The following GRIK2 variants were observed in gnomAD, a reference collection of about 807,000 sequenced individuals.
The protein encoded by GRIK2 is glutamate receptor ionotropic, kainate 2.
A neutral mutation model predicts 100.3 loss-of-function variants in GRIK2; 32 were observed. The observed-to-expected ratio is 0.32, with a 90% CI of 0.24 to 0.43. GRIK2 has a LOEUF of 0.43. Among genes scored for constraint, GRIK2 ranks in the 20% least tolerant of loss-of-function variants. The pLI, the probability that GRIK2 is intolerant of heterozygous loss-of-function variation, is 1.00. For missense variants in GRIK2, 843 were observed against 1,114.9 expected (o/e 0.76, Z 3.47); for synonymous variants, 417 against 389.4 (o/e 1.07, Z -0.83).
chr6:101,614,104 G>GAAGATTTACAGATTGT (rs1779796745), intron 2 of GRIK2, among the ~76,000 whole-genome samples: 1 of 151,612 alleles, frequency 6.6e-6, no homozygotes, highest in South Asian at 2.1e-4. Context: ...GAGTAGACCA[G>GAAGATTTACAGATTGT]ATGATTTACA....
At chr6:101,780,277 C>T (rs938322062) in intron 7 of GRIK2, among the ~76,000 whole-genome samples, 5 of 152,198 alleles carry the variant, frequency 3.3e-5, no homozygotes, top group Admixed American at 2.6e-4. Flanking sequence ...CACTAGTTTC[C>T]CCTCCTTTGC....
chr6:101,732,951 T>A (rs1317319186), intron 7 of GRIK2, among the ~76,000 whole-genome samples: 1 of 152,120 alleles, frequency 6.6e-6, no homozygotes, highest in Non-Finnish European at 1.5e-5. Context: ...ATAATAATCC[T>A]ATCATGAGAG....
intron 2 of GRIK2, among the ~76,000 whole-genome samples, chr6:101,619,119 A>T (rs987744827): frequency 6.6e-6 from 1 of 150,830 alleles, no homozygotes; most frequent in Admixed American, 6.7e-5. Flanking sequence ...TGTAACACCA[A>T]TCTAACTTTA....
intron 14 of GRIK2, among the ~76,000 whole-genome samples, chr6:102,009,558 G>A (rs1795412538): frequency 6.6e-6 from 1 of 152,238 alleles, no homozygotes; most frequent in East Asian, 1.9e-4. Context: ...GTAAAGGGAA[G>A]TAATAGACTG....
chr6:101,702,623 C>G lies in GRIK2; in HGVS notation c.951+16270C>G, dbSNP rs76249494. ...TTTTGGAATAGAGCTATAGTGGTGA[C>G]TTAGATGGAGTTCACCTTCTATGTG... is the stretch of plus-strand genomic sequence containing the variant. On this transcript the variant is annotated intron_variant, in intron 7 of 16. Transcript: ENST00000369134. Among the ~76,000 whole-genome samples, 1,353 of 151,734 alleles carry G rather than the reference C, an allele frequency of 8.9e-3. 12 individuals are homozygous for G. Among genetic ancestry groups the G allele is most frequent in the Admixed American group, 0.013 (199 of 15,174 alleles).
At chr6:101,976,674 AG>A (rs1383184365) in intron 14 of GRIK2, among the ~76,000 whole-genome samples, 3 of 152,048 alleles carry the variant, frequency 2.0e-5, no homozygotes, top group African/African-American at 7.2e-5. Context: ...TAGGTGACAA[AG>A]AGACATCCTG....
At chr6:102,035,676 T>A in intron 15 of GRIK2, 110 bp downstream of exon 15, 1 of 616,814 alleles carries the variant, frequency 1.6e-6, no homozygotes, top group Non-Finnish European at 3.0e-6. Context: ...TTTTACCAAA[T>A]GCATCCTGCT....
At chr6:101,794,403 A>G (rs73512735) in intron 7 of GRIK2, among the ~76,000 whole-genome samples, 1,787 of 152,246 alleles carry the variant, frequency 0.012, 29 homozygotes, top group African/African-American at 0.041. Flanking sequence ...GGGTCATTAA[A>G]AAAATCCATT....
chr6:102,068,785 G>A lies in GRIK2; in HGVS notation c.*274G>A, dbSNP rs75827351. On this transcript the variant is annotated 3_prime_UTR_variant, in exon 17 of 17. Coordinates refer to ENST00000369134, the MANE Select transcript of GRIK2 (RefSeq NM_021956.5). Reference sequence around the variant, plus strand: ...ATGTTAACATGCGCATTTTGTGGCTGATTTCAAATGCAGTCCAGTGAGAAA... The same window carrying A: ...ATGTTAACATGCGCATTTTGTGGCTAATTTCAAATGCAGTCCAGTGAGAAA... 3.1e-4 allele frequency: 78 copies of A among 247,998 alleles called. No homozygotes were observed. Among genetic ancestry groups the A allele is most frequent in the African/African-American group, 1.6e-3 (72 of 44,606 alleles). 15.4% of individuals were successfully genotyped at this position (247,998 alleles called of 1,614,324 possible).
At chr6:101,409,020 C>T (rs1775738887) in intron 2 of GRIK2, among the ~76,000 whole-genome samples, 1 of 151,660 alleles carries the variant, frequency 6.6e-6, no homozygotes, top group Non-Finnish European at 1.5e-5. Context: ...CTATATACAT[C>T]TTTGAGGGAT....
chr6:101,712,705 G>A (rs1773801696), intron 7 of GRIK2, among the ~76,000 whole-genome samples: 1 of 151,516 alleles, frequency 6.6e-6, no homozygotes, highest in African/African-American at 2.4e-5. Context: ...CACCATTGAG[G>A]GATACAGCAT....
At chr6:101,490,207 T>C (rs1333177966) in intron 2 of GRIK2, among the ~76,000 whole-genome samples, 1 of 147,082 alleles carries the variant, frequency 6.8e-6, no homozygotes, top group Non-Finnish European at 1.5e-5. Context: ...CTACATATTA[T>C]GCAACATACT....
At chr6:101,764,607 T>C (rs914889221) in intron 7 of GRIK2, among the ~76,000 whole-genome samples, 7 of 152,176 alleles carry the variant, frequency 4.6e-5, no homozygotes, top group Admixed American at 2.6e-4. Flanking sequence ...CAAACACTAA[T>C]AAACCTGGGA....
intron 10 of GRIK2, among the ~76,000 whole-genome samples, chr6:101,836,535 T>C (rs1044352648): frequency 6.6e-6 from 1 of 150,692 alleles, no homozygotes; most frequent in African/African-American, 2.4e-5. Context: ...ATTGAATTCA[T>C]CTTTAACTTT....
At position 101,438,608 on chromosome 6, in the gene GRIK2, A is replaced by G. The variant is rs909452815; in HGVS notation, c.115+39216A>G. On this transcript the variant is annotated intron_variant, in intron 2 of 16. Transcript: ENST00000369134. ...AGATTGCCATCAAGAAATGTGCTCA[A>G]CATCGTTCTGGCACACTCTTTTAAT... Among the ~76,000 whole-genome samples, 18 of 151,988 alleles carry G rather than the reference A, an allele frequency of 1.2e-4. No individual in the cohort carries two copies. In the East Asian group the frequency reaches 3.5e-3, roughly 30 times the overall value.
At chr6:101,932,581 G>T (rs985667881) in intron 14 of GRIK2, among the ~76,000 whole-genome samples, 3 of 144,366 alleles carry the variant, frequency 2.1e-5, no homozygotes, top group Non-Finnish European at 4.6e-5. Flanking sequence ...ATTCTTTGAA[G>T]TTTTTTTTTT....
chr6:101,594,216 C>T (rs1171396227), intron 2 of GRIK2, among the ~76,000 whole-genome samples: 3 of 151,656 alleles, frequency 2.0e-5, no homozygotes, highest in Admixed American at 6.6e-5. Flanking sequence ...TTGAGTGTGC[C>T]GGCTTTATCA....
At chr6:101,586,098 T>C (rs951404886) in intron 2 of GRIK2, among the ~76,000 whole-genome samples, 1 of 151,982 alleles carries the variant, frequency 6.6e-6, no homozygotes, top group African/African-American at 2.4e-5. Context: ...GTCCTGAAGC[T>C]GGGCGCCTAC....
chr6:101,679,290 T>A (rs547119150), intron 5 of GRIK2, among the ~76,000 whole-genome samples: 84 of 152,308 alleles, frequency 5.5e-4, no homozygotes, highest in African/African-American at 2.0e-3. Context: ...GCAATATGAT[T>A]TCTGGATCTT....
Sources: gnomAD v4.1 joint callset for allele counts (sites outside exome capture counted in the v4.1 genomes callset) on GRCh38, gnomAD v4.1.1 for gene constraint, MANE v1.5 for transcripts, NCBI Gene and HGNC (gene_info 2026-07-23, HGNC 2026-07-21) for gene names.